SNTG1: variants seen among roughly 807,000 people sequenced by gnomAD.
The protein encoded by SNTG1 is syntrophin gamma 1.
SNTG1 carries 39 observed loss-of-function variants against 74.7 expected under a neutral mutation model. The ratio of observed to expected loss-of-function variants is 0.52; its 90% CI spans 0.40 to 0.68. SNTG1 has a LOEUF of 0.68. SNTG1 is among the 30% of genes least tolerant of loss of function. The pLI, the probability that SNTG1 is intolerant of heterozygous loss-of-function variation, is 0.00. For synonymous variants in SNTG1, 254 were observed against 217.1 expected (o/e 1.17, Z -1.49); for missense variants, 685 against 609.5 (o/e 1.12, Z -1.30).
chr8:50,003,572 C>A (rs1284037702), intron 1 of SNTG1, among the ~76,000 whole-genome samples: 1 of 152,006 alleles, frequency 6.6e-6, no homozygotes, highest in Admixed American at 6.6e-5. Context: ...AATTTTTTGT[C>A]TTACTTTAAT....
At chr8:50,531,430 C>T (rs57575663) in intron 10 of SNTG1, among the ~76,000 whole-genome samples, 6,676 of 151,936 alleles carry the variant, frequency 0.044, 257 homozygotes, top group African/African-American at 0.096. Context: ...AGGAAATATA[C>T]AGGTTTCCTA....
At chr8:49,935,360 C>T (rs1807972043) in intron 1 of SNTG1, among the ~76,000 whole-genome samples, 1 of 147,792 alleles carries the variant, frequency 6.8e-6, no homozygotes, top group Admixed American at 6.9e-5. Context: ...CATACTATTT[C>T]ACTCACAAAG....
At chr8:50,318,092 T>G (rs1346695607) in intron 2 of SNTG1, among the ~76,000 whole-genome samples, 1 of 152,024 alleles carries the variant, frequency 6.6e-6, no homozygotes, top group Non-Finnish European at 1.5e-5. Context: ...CGCCTTGACC[T>G]CCCAAAGTGC....
intron 1 of SNTG1, among the ~76,000 whole-genome samples, chr8:49,996,048 T>G (rs933476961): frequency 2.0e-5 from 3 of 152,158 alleles, no homozygotes; most frequent in African/African-American, 4.8e-5. Flanking sequence ...ACCTTAGAAA[T>G]TAGTTACTGT....
chr8:50,129,223 C>T (rs975093123), intron 1 of SNTG1, among the ~76,000 whole-genome samples: 3 of 151,960 alleles, frequency 2.0e-5, no homozygotes, highest in African/African-American at 7.2e-5. Context: ...ATTGTTTATA[C>T]TTTAAAAGTT....
At chr8:50,598,281 T>C (rs1161679819) in intron 13 of SNTG1, among the ~76,000 whole-genome samples, 1 of 151,940 alleles carries the variant, frequency 6.6e-6, no homozygotes, top group East Asian at 1.9e-4. Context: ...TGGTGAGAGA[T>C]AGGGGTCTAG....
chr8:50,712,243 T>C (rs976285662), intron 17 of SNTG1, among the ~76,000 whole-genome samples: 4 of 151,972 alleles, frequency 2.6e-5, no homozygotes, highest in African/African-American at 9.7e-5. Flanking sequence ...GACATGGAAT[T>C]TGAGGGAAGA....
intron 17 of SNTG1, among the ~76,000 whole-genome samples, chr8:50,720,843 T>A (rs949295759): frequency 1.3e-5 from 2 of 152,216 alleles, no homozygotes; most frequent in African/African-American, 4.8e-5. Context: ...GCTACATAAA[T>A]CGTTCTTTCA....
intron 10 of SNTG1, among the ~76,000 whole-genome samples, chr8:50,535,619 C>A (rs772841135): frequency 6.6e-6 from 1 of 152,158 alleles, no homozygotes; most frequent in Non-Finnish European, 1.5e-5. Flanking sequence ...CTAAACTGCT[C>A]CACTGACTTA....
At chr8:50,764,015 A>G (rs2095607083) in intron 18 of SNTG1, among the ~76,000 whole-genome samples, 1 of 151,496 alleles carries the variant, frequency 6.6e-6, no homozygotes, top group African/African-American at 2.4e-5. Flanking sequence ...AGAGGCCAGA[A>G]AAGAACCTGT....
intron 12 of SNTG1, among the ~76,000 whole-genome samples, chr8:50,558,611 AAC>A (rs1212953249): frequency 2.6e-5 from 4 of 151,306 alleles, no homozygotes; most frequent in African/African-American, 9.7e-5. Flanking sequence ...ATTGAGGTAT[AAC>A]CGGTGGGAAA....
chr8:50,330,206 T>C (rs1308434695), intron 2 of SNTG1, among the ~76,000 whole-genome samples: 7 of 152,110 alleles, frequency 4.6e-5, no homozygotes, highest in Admixed American at 4.6e-4. Context: ...GATCTGATGT[T>C]TTTATAAGGG....
intron 8 of SNTG1, among the ~76,000 whole-genome samples, chr8:50,480,103 T>C: frequency 6.6e-6 from 1 of 152,192 alleles, no homozygotes; most frequent in African/African-American, 2.4e-5. Flanking sequence ...TACTTACAAT[T>C]TTAAAATAAA....
intron 8 of SNTG1, among the ~76,000 whole-genome samples, chr8:50,463,505 G>A (rs1346269847): frequency 6.6e-6 from 1 of 152,070 alleles, no homozygotes; most frequent in East Asian, 1.9e-4. Context: ...ATCTCCATTA[G>A]GGCTCTTGGG....
chr8:50,584,731 T>A (rs575177174), intron 12 of SNTG1, among the ~76,000 whole-genome samples: 1 of 152,208 alleles, frequency 6.6e-6, no homozygotes, highest in South Asian at 2.1e-4. Flanking sequence ...TAAGATTTAC[T>A]TTAGTGGTGG....
rs544869177 is a variant in SNTG1 at position 50,100,345 on chromosome 8, C to T, written c.-102-72216C>T. Among the ~76,000 whole-genome samples the T allele has an allele frequency of 1.4e-3, 216 of 152,002 alleles. 1 individual carries two copies. The highest frequency in any genetic ancestry group is 5.4e-3 in the South Asian group (26 of 4,802). ...TACAACTAAATAGAAAGAACAAGTT[C>T]TAGTGTTCTATATTACTATAGGATG... On this transcript the variant is annotated intron_variant, in intron 1 of 18. Coordinates refer to ENST00000642720, the MANE Select transcript of SNTG1 (RefSeq NM_018967.5).
chr8:50,699,068 A>G (rs1362366483), intron 15 of SNTG1, among the ~76,000 whole-genome samples: 2 of 152,192 alleles, frequency 1.3e-5, no homozygotes, highest in Non-Finnish European at 2.9e-5. Context: ...ATCTTAATCA[A>G]TTAGAGATTT....
intron 2 of SNTG1, among the ~76,000 whole-genome samples, chr8:50,303,007 G>A (rs1048004130): frequency 6.6e-6 from 1 of 152,098 alleles, no homozygotes; most frequent in Non-Finnish European, 1.5e-5. Context: ...AATAACTAAT[G>A]AATGTATTCA....
At chr8:50,320,902 A>C (rs1469186494) in intron 2 of SNTG1, among the ~76,000 whole-genome samples, 1 of 152,104 alleles carries the variant, frequency 6.6e-6, no homozygotes, top group Non-Finnish European at 1.5e-5. Context: ...CATTTTGTTA[A>C]ATGTTTTAAG....
Sources: gnomAD v4.1 joint callset for allele counts (sites outside exome capture counted in the v4.1 genomes callset) on GRCh38, gnomAD v4.1.1 for gene constraint, MANE v1.5 for transcripts, NCBI Gene and HGNC (gene_info 2026-07-23, HGNC 2026-07-21) for gene names.